TENM2: variants seen among roughly 807,000 people sequenced by gnomAD.
TENM2 encodes teneurin-2.
Under a neutral mutation model 245.2 loss-of-function variants are expected in TENM2, and 52 were observed. That is an observed-to-expected ratio of 0.21 (90% CI 0.17 to 0.27). The LOEUF (loss-of-function observed/expected upper bound fraction) is 0.27, where lower values mean the gene tolerates loss of function less well. TENM2 is among the 10% of genes least tolerant of loss of function. TENM2 has a pLI of 1.00. For missense variants in TENM2, 3,046 were observed against 3,666.8 expected, an observed-to-expected ratio of 0.83 and a Z score of 4.37; for synonymous variants, 1,363 against 1,438.9, an observed-to-expected ratio of 0.95 and a Z score of 1.19.
intron 3 of TENM2, among the ~76,000 whole-genome samples, chr5:167,899,886 G>C (rs555748125): frequency 6.6e-6 from 1 of 152,064 alleles, no homozygotes; most frequent in Non-Finnish European, 1.5e-5. Context: ...TGAACAAAGA[G>C]AAATAAAAGC....
intron 3 of TENM2, among the ~76,000 whole-genome samples, chr5:167,918,720 C>T (rs1365371143): frequency 6.6e-6 from 1 of 151,908 alleles, no homozygotes; most frequent in East Asian, 1.9e-4. Context: ...TTGGCCAGCA[C>T]CTCCTGTTAG....
chr5:167,951,101 T>C (rs1409581554), intron 3 of TENM2, among the ~76,000 whole-genome samples: 1 of 152,244 alleles, frequency 6.6e-6, no homozygotes, highest in Non-Finnish European at 1.5e-5. Flanking sequence ...TAGTATCTTC[T>C]TGACATGTTG....
intron 2 of TENM2, among the ~76,000 whole-genome samples, chr5:167,442,691 A>G (rs1464972137): frequency 3.9e-5 from 6 of 152,216 alleles, no homozygotes; most frequent in African/African-American, 1.4e-4. Context: ...GATTTTAAAA[A>G]GAGCTTAAAA....
At chr5:167,943,262 G>A (rs1779335192) in intron 3 of TENM2, among the ~76,000 whole-genome samples, 1 of 152,116 alleles carries the variant, frequency 6.6e-6, no homozygotes, top group African/African-American at 2.4e-5. Context: ...GGCCACTCTT[G>A]GTATTAATGA....
intron 3 of TENM2, among the ~76,000 whole-genome samples, chr5:167,943,998 C>A (rs111324565): frequency 0.011 from 1,660 of 152,188 alleles, 27 homozygotes; most frequent in East Asian, 0.07. Flanking sequence ...TTTATTTTGT[C>A]TTTGTCACTT....
At chr5:167,122,994 A>G in the TENM2 span, among the ~76,000 whole-genome samples, 1 of 152,144 alleles carries the variant, frequency 6.6e-6, no homozygotes, top group Non-Finnish European at 1.5e-5. Flanking sequence ...CTTCAGCATC[A>G]TAGACAATAT....
At chr5:167,441,516 C>T (rs1018913731) in intron 2 of TENM2, among the ~76,000 whole-genome samples, 2 of 152,176 alleles carry the variant, frequency 1.3e-5, no homozygotes, top group African/African-American at 4.8e-5. Flanking sequence ...GTTTATTCAA[C>T]TGTTTTTCTG....
chr5:167,554,425 G>A (rs968904630), intron 2 of TENM2, among the ~76,000 whole-genome samples: 15 of 152,114 alleles, frequency 9.9e-5, no homozygotes, highest in African/African-American at 3.1e-4. Context: ...GTGACCTCAC[G>A]ATACAGTGTT....
chr5:168,000,644 A>C (rs1199795595), intron 5 of TENM2, among the ~76,000 whole-genome samples: 6 of 152,218 alleles, frequency 3.9e-5, no homozygotes, highest in African/African-American at 1.4e-4. Context: ...AGAGGGAAAG[A>C]GGTTGTCAAT....
chr5:167,604,506 C>G (rs1242891155), intron 2 of TENM2, among the ~76,000 whole-genome samples: 1 of 152,142 alleles, frequency 6.6e-6, no homozygotes, highest in Non-Finnish European at 1.5e-5. Context: ...TTTGGGGTAA[C>G]TTTCTTGTGA....
intron 13 of TENM2, among the ~76,000 whole-genome samples, chr5:168,173,643 A>G (rs1759061338): frequency 6.6e-6 from 1 of 152,058 alleles, no homozygotes; most frequent in Admixed American, 6.5e-5. Flanking sequence ...CATCCAACAA[A>G]CATATACCAA....
chr5:167,745,333 A>G lies in TENM2; in HGVS notation c.503-130653A>G, dbSNP rs7725005. 7.1e-3 allele frequency among the ~76,000 whole-genome samples: 1,081 copies of G among 152,318 alleles called. 11 individuals carry two copies. The highest frequency in any genetic ancestry group is 0.025 in the African/African-American group (1,030 of 41,570). On this transcript the variant is annotated intron_variant, in intron 2 of 28. Coordinates refer to ENST00000518659, the Ensembl canonical transcript of TENM2. ...TGCGAAGACAGCAATGTATTTCCCAAGAGCCTCAGAGAATGTTGGCTCTGC... is the reference window on the plus strand; with the variant it reads ...TGCGAAGACAGCAATGTATTTCCCAGGAGCCTCAGAGAATGTTGGCTCTGC...
rs146250329 is a variant in TENM2, at chr5:168,125,125, G to A, written c.2209+75G>A. On this transcript the variant is annotated intron_variant, in intron 11 of 28. Transcript: ENST00000518659. The stretch of plus-strand genomic sequence containing the variant: ...TTCCATCCCATTCTCAGATGGATGG[G>A]AATCTACTCTTAATACTTAGCTGGG... 367 of 1,283,562 alleles carry A rather than the reference G, an allele frequency of 2.9e-4. 1 individual carries two copies. In the African/African-American group the frequency reaches 4.6e-3, roughly 16 times the overall value. 79.5% of individuals were successfully genotyped at this position (1,283,562 alleles called of 1,614,324 possible).
chr5:167,045,313 C>G, the TENM2 span, among the ~76,000 whole-genome samples: 4 of 152,146 alleles, frequency 2.6e-5, no homozygotes, highest in Non-Finnish European at 4.4e-5. Context: ...CATTAATCAC[C>G]TAAACACCAT....
At chr5:168,034,095 A>ATATATATATATATGTG (rs1562077236) in intron 5 of TENM2, among the ~76,000 whole-genome samples, 2,011 of 94,578 alleles carry the variant, frequency 0.021, 79 homozygotes, top group African/African-American at 0.069. Context: ...ATATATGTGT[A>ATATATATATATATGTG]TATATATATG....
At chr5:167,649,848 G>A (rs1404967092) in intron 2 of TENM2, among the ~76,000 whole-genome samples, 3 of 152,208 alleles carry the variant, frequency 2.0e-5, no homozygotes, top group Non-Finnish European at 2.9e-5. Flanking sequence ...TGGCAACAGA[G>A]TACTGCTCAG....
intron 25 of TENM2, among the ~76,000 whole-genome samples, chr5:168,242,971 A>C (rs867183170): frequency 4.7e-5 from 7 of 148,400 alleles, no homozygotes; most frequent in Non-Finnish European, 7.5e-5. Context: ...AAAAAAAAAA[A>C]CTTATTATTA....
intron 4 of TENM2, among the ~76,000 whole-genome samples, chr5:167,986,351 C>T (rs1395063383): frequency 6.6e-6 from 1 of 152,190 alleles, no homozygotes; most frequent in Non-Finnish European, 1.5e-5. Context: ...CACAGGAATG[C>T]AGGACACAGA....
chr5:167,103,546 C>T, the TENM2 span, among the ~76,000 whole-genome samples: 4,413 of 152,280 alleles, frequency 0.029, 212 homozygotes, highest in African/African-American at 0.099. Context: ...TCTGAATTAT[C>T]GCTAGAATCC....
Sources: allele counts gnomAD v4.1 joint callset (sites outside exome capture counted in the v4.1 genomes callset), GRCh38; gene constraint gnomAD v4.1.1; transcripts MANE v1.5; gene names NCBI Gene and HGNC (gene_info 2026-07-23, HGNC 2026-07-21).